USP24: variants seen among roughly 807,000 people sequenced by gnomAD.
USP24 encodes ubiquitin specific peptidase 24, also known as ubiquitin carboxyl-terminal hydrolase 24.
A neutral mutation model predicts 361.6 loss-of-function variants in USP24; 97 were observed. The ratio of observed to expected loss-of-function variants is 0.27; its 90% CI spans 0.23 to 0.32. The LOEUF is 0.32. USP24 is among the 10% of genes least tolerant of loss of function. The pLI is 1.00. For missense variants in USP24, 2,353 were observed against 3,165.6 expected, an observed-to-expected ratio of 0.74 and a Z score of 6.16; for synonymous variants, 1,098 against 1,124.6, an observed-to-expected ratio of 0.98 and a Z score of 0.47.
At chr1:55,170,210 A>G (rs974219946) in intron 5 of USP24, among the ~76,000 whole-genome samples, 4 of 152,164 alleles carry the variant, frequency 2.6e-5, no homozygotes, top group African/African-American at 9.7e-5. Context: ...CAAAGAAAAA[A>G]TAGAAAGCTG....
chr1:55,171,465 T>C (rs1353648192), intron 5 of USP24, 91 bp downstream of exon 5: 3 of 1,419,774 alleles, frequency 2.1e-6, no homozygotes, highest in Non-Finnish European at 2.8e-6. Flanking sequence ...ATTGTTTTAA[T>C]CCTCCCATGT....
At chr1:55,201,417 A>G (rs1644570467) in intron 1 of USP24, among the ~76,000 whole-genome samples, 1 of 151,520 alleles carries the variant, frequency 6.6e-6, no homozygotes, top group African/African-American at 2.4e-5. Context: ...CCTGGCCAAG[A>G]TGGTGAAACC....
intron 1 of USP24, among the ~76,000 whole-genome samples, chr1:55,184,406 A>G (rs1644067738): frequency 6.6e-6 from 1 of 152,204 alleles, no homozygotes; most frequent in Non-Finnish European, 1.5e-5. Context: ...AGGAAGATAT[A>G]ACAATTATAA....
intron 1 of USP24, among the ~76,000 whole-genome samples, chr1:55,205,817 T>C (rs1644689027): frequency 1.3e-5 from 2 of 152,182 alleles, no homozygotes; most frequent in Non-Finnish European, 2.9e-5. Context: ...TATAGCCCCA[T>C]CACCCCAAAA....
chr1:55,157,386 TA>T lies in USP24; in HGVS notation c.1228-17del. The stretch of plus-strand genomic sequence containing the variant: ...GTTTGGTTACCTAAAAAGATAAGAT[TA>T]TTGTGACTGAGTCTAATATACATTA... On this transcript the variant is annotated splice_polypyrimidine_tract_variant and intron_variant, in intron 10 of 67. Coordinates refer to ENST00000294383, the MANE Select transcript of USP24 (RefSeq NM_015306.3). The T allele has an allele frequency of 7.1e-7, 1 of 1,398,632 alleles. No individual in the cohort carries two copies. The highest frequency in any genetic ancestry group is 9.9e-7 in the Non-Finnish European group (1 of 1,011,138). 86.6% of individuals were successfully genotyped at this position (1,398,632 alleles called of 1,614,324 possible).
intron 39 of USP24, among the ~76,000 whole-genome samples, chr1:55,108,927 T>G (rs1408746537): frequency 6.6e-6 from 1 of 152,242 alleles, no homozygotes; most frequent in African/African-American, 2.4e-5. Context: ...ACTCTCACAC[T>G]GTATTAACTC....
chr1:55,180,609 G>A (rs959914654), intron 1 of USP24, among the ~76,000 whole-genome samples: 2 of 152,088 alleles, frequency 1.3e-5, no homozygotes, highest in Non-Finnish European at 2.9e-5. Context: ...GTTGCTTTAC[G>A]CCACTATTCC....
At chr1:55,112,797 G>A (rs1282093175) in intron 38 of USP24, among the ~76,000 whole-genome samples, 1 of 152,180 alleles carries the variant, frequency 6.6e-6, no homozygotes, top group Non-Finnish European at 1.5e-5. Flanking sequence ...GTCCAGAGCT[G>A]AGTTCAAGTC....
chr1:55,203,534 C>T (rs1644631273), intron 1 of USP24, among the ~76,000 whole-genome samples: 1 of 152,224 alleles, frequency 6.6e-6, no homozygotes. Flanking sequence ...GTCAGTTCTA[C>T]AGATAATTGT....
chr1:55,111,390 TA>T (rs1645947951), intron 38 of USP24, among the ~76,000 whole-genome samples: 1 of 152,028 alleles, frequency 6.6e-6, no homozygotes, highest in South Asian at 2.1e-4. Flanking sequence ...AACTTAATAT[TA>T]AATAAAAAAC....
intron 59 of USP24, 96 bp from the exon 60 acceptor site, chr1:55,079,755 G>T: frequency 1.7e-6 from 2 of 1,180,354 alleles, no homozygotes; most frequent in Non-Finnish European, 2.3e-6. Context: ...TTCAAGACTC[G>T]CACACACACT....
Position 55,077,396 on chromosome 1 carries a change from T to G in USP24, c.7315-96A>C, listed in dbSNP as rs1645051011. ...TCCACGTTCTAGCTCTATCACCTTC[T>G]GGCCGACCCTGGACAAGTCAATACT... On this transcript the variant is annotated intron_variant, in intron 61 of 67. Transcript: ENST00000294383. The G allele has an allele frequency of 2.7e-6, 3 of 1,098,470 alleles. No individual in the cohort carries two copies. In the African/African-American group the frequency reaches 4.7e-5, roughly 17 times the overall value. 68.0% of individuals were successfully genotyped at this position (1,098,470 alleles called of 1,614,324 possible).
intron 1 of USP24, among the ~76,000 whole-genome samples, chr1:55,192,815 TAC>T (rs1324518791): frequency 2.0e-5 from 3 of 152,250 alleles, no homozygotes; most frequent in African/African-American, 7.2e-5. Context: ...CATGTATGAA[TAC>T]ATTGTGTCTG....
chr1:55,137,765 A>G (rs1223831535), intron 27 of USP24, 41 bp downstream of exon 27: 1 of 1,543,356 alleles, frequency 6.5e-7, no homozygotes, highest in African/African-American at 1.4e-5. Context: ...TATTTATATT[A>G]TATCATTTAT....
intron 30 of USP24, 130 bp downstream of exon 30, chr1:55,133,940 G>T: frequency 1.1e-6 from 1 of 886,242 alleles, no homozygotes; most frequent in South Asian, 1.6e-5. Context: ...GCTGGTGAAG[G>T]TATTTTTCAA....
rs768296910 is a variant in USP24 at position 55,147,756 on chromosome 1, A to G, written c.2011T>C (p.Leu671=). The change falls in exon 18 of 68, where the codon TTG becomes CTG. Residue 671 remains leucine, a synonymous_variant. Transcript: ENST00000294383. ...CAAGCGATCAAACTTCCCGTTACCA[A>G]TTTCACTATTTCAAAATTCTTCTTC... ...DLKKNFEIVK[L]VTGSLIACHR... 4 of 1,612,554 alleles carry G rather than the reference A, an allele frequency of 2.5e-6. No individual in the cohort carries two copies. In the African/African-American group the frequency reaches 5.3e-5, roughly 22 times the overall value.
At chr1:55,177,463 T>A (rs1650107863) in intron 2 of USP24, among the ~76,000 whole-genome samples, 1 of 152,134 alleles carries the variant, frequency 6.6e-6, no homozygotes, top group African/African-American at 2.4e-5. Flanking sequence ...CACCATATTC[T>A]GGCCATATTC....
At chr1:55,130,739 G>C (rs1466319280) in intron 31 of USP24, among the ~76,000 whole-genome samples, 1 of 152,132 alleles carries the variant, frequency 6.6e-6, no homozygotes, top group Non-Finnish European at 1.5e-5. Flanking sequence ...ATGCTTAATG[G>C]ACAACAATTT....
intron 16 of USP24, chr1:55,152,124 G>C (rs1647215260): frequency 3.1e-6 from 1 of 326,356 alleles, no homozygotes; most frequent in African/African-American, 2.2e-5. Context: ...AAAGCACTTA[G>C]TAAACTGAAA....
Sources: gnomAD v4.1 joint callset for allele counts (sites outside exome capture counted in the v4.1 genomes callset) on GRCh38, gnomAD v4.1.1 for gene constraint, MANE v1.5 for transcripts, NCBI Gene and HGNC (gene_info 2026-07-23, HGNC 2026-07-21) for gene names.